EVA1C: variants seen among roughly 807,000 people sequenced by gnomAD.
EVA1C encodes the protein eva-1 homolog C.
EVA1C carries 25 observed loss-of-function variants against 45.4 expected under a neutral mutation model. That is an observed-to-expected ratio of 0.55 (90% CI 0.40 to 0.77). The LOEUF is 0.77. Among genes scored for constraint, EVA1C ranks in the 30% least tolerant of loss-of-function variants. The pLI is 0.00. For missense variants in EVA1C, 479 were observed against 554.8 expected, an observed-to-expected ratio of 0.86 and a Z score of 1.37; for synonymous variants, 190 against 221.2, an observed-to-expected ratio of 0.86 and a Z score of 1.25.
intron 4 of EVA1C, among the ~76,000 whole-genome samples, chr21:32,479,439 C>T (rs2036697482): frequency 6.6e-6 from 1 of 151,872 alleles, no homozygotes; most frequent in African/African-American, 2.4e-5. Flanking sequence ...CCCCAACCCC[C>T]CAGAAAAAAG....
chr21:32,495,155 G>C lies in EVA1C; in HGVS notation c.763G>C (p.Val255Leu). 6.2e-7 allele frequency: 1 copy of C among 1,614,038 alleles called. No homozygotes were observed. Among genetic ancestry groups the C allele is most frequent in the Non-Finnish European group, 8.5e-7 (1 of 1,180,006 alleles). ...CLPGVKKYLT[V>L]TYACVPKNIL... is the part of the protein sequence containing the mutation. ...GCCAGGCGTGAAAAAATACCTCACT[G>C]TGACCTACGCATGTGGTAAGAACAC... is the stretch of plus-strand genomic sequence containing the variant. The change falls in exon 5 of 8, where the codon GTG becomes CTG. Residue 255 changes from valine (V) to leucine (L), a missense_variant. By Grantham distance (32) the Val-to-Leu change is conservative (BLOSUM62 1). Around this residue, in one of 3 missense-constraint regions of EVA1C, gnomAD observed 366 missense variants for 426.1 expected, o/e 0.86. Transcript: ENST00000300255.
At chr21:32,421,337 C>CTACA (rs1555848928) in intron 1 of EVA1C, among the ~76,000 whole-genome samples, 1 of 151,962 alleles carries the variant, frequency 6.6e-6, no homozygotes, top group East Asian at 1.9e-4. Flanking sequence ...ATAAAGACCT[C>CTACA]TATATAAAGC....
intron 7 of EVA1C, among the ~76,000 whole-genome samples, chr21:32,507,257 C>T (rs1459527966): frequency 2.0e-5 from 3 of 152,220 alleles, no homozygotes; most frequent in African/African-American, 7.2e-5. Context: ...TTCAATAATA[C>T]AGACTTACTC....
At chr21:32,412,434 T>C (rs2033852998), upstream of EVA1C, 2 of 156,346 alleles carry the variant, frequency 1.3e-5, no homozygotes, top group African/African-American at 4.8e-5. Flanking sequence ...CCCGGCTGTT[T>C]CCCGGGTGTG....
At chr21:32,455,130 G>A (rs1363390414) in intron 2 of EVA1C, among the ~76,000 whole-genome samples, 2 of 152,120 alleles carry the variant, frequency 1.3e-5, no homozygotes, top group Admixed American at 1.3e-4. Flanking sequence ...CAAGAGCAAG[G>A]CGCCATAGGT....
chr21:32,432,100 C>T (rs576505957), intron 1 of EVA1C, among the ~76,000 whole-genome samples: 20 of 151,700 alleles, frequency 1.3e-4, no homozygotes, highest in African/African-American at 4.8e-4. Flanking sequence ...TGGAATGTCC[C>T]TTACTTTGGA....
At chr21:32,421,337 C>CTCTA (rs1555848927) in intron 1 of EVA1C, among the ~76,000 whole-genome samples, 2 of 151,962 alleles carry the variant, frequency 1.3e-5, no homozygotes, top group African/African-American at 4.8e-5. Flanking sequence ...ATAAAGACCT[C>CTCTA]TATATAAAGC....
intron 2 of EVA1C, among the ~76,000 whole-genome samples, chr21:32,454,533 A>G (rs2035707490): frequency 6.6e-6 from 1 of 152,076 alleles, no homozygotes; most frequent in African/African-American, 2.4e-5. Flanking sequence ...AGCAACTTCT[A>G]CTTCACCATC....
chr21:32,511,244 G>T (rs2037938129), intron 7 of EVA1C, among the ~76,000 whole-genome samples: 1 of 151,572 alleles, frequency 6.6e-6, no homozygotes, highest in Non-Finnish European at 1.5e-5. Flanking sequence ...GGCAAACCCC[G>T]TCTCTACTAA....
chr21:32,449,811 C>T (rs1288384254), intron 1 of EVA1C, among the ~76,000 whole-genome samples: 5 of 151,836 alleles, frequency 3.3e-5, no homozygotes, highest in South Asian at 2.1e-4. Context: ...TTAGTAGAGA[C>T]GGAATTTCAC....
At chr21:32,502,103 C>T (rs1221969810) in intron 6 of EVA1C, among the ~76,000 whole-genome samples, 1 of 145,672 alleles carries the variant, frequency 6.9e-6, no homozygotes, top group Non-Finnish European at 1.5e-5. Context: ...TCTTTCCTTA[C>T]TTTTTCTTCT....
intron 4 of EVA1C, among the ~76,000 whole-genome samples, chr21:32,488,587 C>CTT (rs1555872653): frequency 2.0e-5 from 3 of 148,100 alleles, no homozygotes; most frequent in African/African-American, 7.4e-5. Flanking sequence ...AGCTGTTGGC[C>CTT]TTTTTTTTTT....
chr21:32,472,990 G>T (rs2036431320), intron 4 of EVA1C, among the ~76,000 whole-genome samples: 1 of 152,208 alleles, frequency 6.6e-6, no homozygotes, highest in Non-Finnish European at 1.5e-5. Context: ...TTCTTGCCCT[G>T]TGCTCTGCAG....
chr21:32,448,143 T>C (rs1266344282), intron 1 of EVA1C, among the ~76,000 whole-genome samples: 1 of 152,186 alleles, frequency 6.6e-6, no homozygotes, highest in Non-Finnish European at 1.5e-5. Context: ...CCTGACCTTT[T>C]GGCACTGTGG....
At chr21:32,513,268 T>C (rs34028712) in intron 7 of EVA1C, among the ~76,000 whole-genome samples, 83,870 of 148,248 alleles carry the variant, frequency 0.57, 25,987 homozygotes, top group African/African-American at 0.82. Context: ...GCTCCACCTC[T>C]CGGGTTCACG....
intron 1 of EVA1C, among the ~76,000 whole-genome samples, chr21:32,429,900 T>C (rs1307678915): frequency 6.6e-6 from 1 of 152,208 alleles, no homozygotes; most frequent in Non-Finnish European, 1.5e-5. Flanking sequence ...TAATGAGATA[T>C]TTTATGTTCT....
intron 4 of EVA1C, among the ~76,000 whole-genome samples, chr21:32,485,805 A>G (rs1202665601): frequency 1.3e-5 from 2 of 152,252 alleles, no homozygotes; most frequent in African/African-American, 4.8e-5. Flanking sequence ...GTCAAGTTAC[A>G]TAGCCTTGCC....
At chr21:32,478,422 T>C (rs1384686836) in intron 4 of EVA1C, among the ~76,000 whole-genome samples, 2 of 152,088 alleles carry the variant, frequency 1.3e-5, no homozygotes, top group Admixed American at 1.3e-4. Flanking sequence ...GGTTTCACCA[T>C]GTTGGTCAGG....
At chr21:32,501,867 A>G (rs2037540540) in intron 6 of EVA1C, among the ~76,000 whole-genome samples, 1 of 152,114 alleles carries the variant, frequency 6.6e-6, no homozygotes, top group Admixed American at 6.5e-5. Context: ...AGGGCCAACT[A>G]GGACCTGAGG....
Sources: allele counts gnomAD v4.1 joint callset (sites outside exome capture counted in the v4.1 genomes callset), GRCh38; gene constraint gnomAD v4.1.1; regional missense constraint gnomAD v4.1.1; transcripts MANE v1.5; gene names NCBI Gene and HGNC (gene_info 2026-07-23, HGNC 2026-07-21).